The following LUZP1 variants were observed in gnomAD, a reference collection of about 807,000 sequenced individuals.
LUZP1 encodes leucine zipper protein 1.
Under a neutral mutation model 71.3 loss-of-function variants are expected in LUZP1, and 25 were observed. The observed-to-expected ratio is 0.35, with a 90% confidence interval of 0.26 to 0.49. LUZP1 has a LOEUF of 0.49. LUZP1 is among the 20% of genes least tolerant of loss of function. LUZP1 has a pLI of 0.99. For missense variants in LUZP1, 1,142 were observed against 1,300.8 expected, an observed-to-expected ratio of 0.88 and a Z score of 1.88; for synonymous variants, 481 against 506.4, an observed-to-expected ratio of 0.95 and a Z score of 0.67.
chr1:23,101,341 G>A (rs897278888), intron 3 of LUZP1, among the ~76,000 whole-genome samples: 3 of 152,240 alleles, frequency 2.0e-5, no homozygotes, highest in African/African-American at 7.2e-5. Flanking sequence ...ATTCTATTCA[G>A]CTTTCACAAT....
At chr1:23,146,428 T>G (rs1281113934) in intron 2 of LUZP1, among the ~76,000 whole-genome samples, 2 of 152,220 alleles carry the variant, frequency 1.3e-5, no homozygotes, top group Admixed American at 6.5e-5. Flanking sequence ...TTAATAGCCG[T>G]ATGGACAAGT....
intron 2 of LUZP1, among the ~76,000 whole-genome samples, chr1:23,110,110 CAG>C (rs1274120985): frequency 6.6e-6 from 1 of 152,190 alleles, no homozygotes; most frequent in Non-Finnish European, 1.5e-5. Flanking sequence ...TATTAAATGA[CAG>C]AGTTTAAACT....
exon 4 of LUZP1, chr1:23,092,469 T>C: frequency 6.2e-7 from 1 of 1,614,222 alleles, no homozygotes; most frequent in Non-Finnish European, 8.5e-7. Context: ...AACAGGAGCC[T>C]TGGAATTCGG....
At chr1:23,166,586 C>T (rs1010687939) in intron 2 of LUZP1, among the ~76,000 whole-genome samples, 1 of 134,050 alleles carries the variant, frequency 7.5e-6, no homozygotes, top group Admixed American at 9.1e-5. Context: ...ACATGAGAGG[C>T]GGAGGTTGCA....
At chr1:23,114,122 T>A (rs1290083816) in intron 2 of LUZP1, among the ~76,000 whole-genome samples, 2 of 152,200 alleles carry the variant, frequency 1.3e-5, no homozygotes, top group East Asian at 3.9e-4. Flanking sequence ...TCATTCTCAG[T>A]CTCTAGAAAA....
chr1:23,131,686 T>C (rs992986363), intron 2 of LUZP1, among the ~76,000 whole-genome samples: 14 of 152,084 alleles, frequency 9.2e-5, no homozygotes, highest in Non-Finnish European at 2.1e-4. Flanking sequence ...TTATTTATTT[T>C]ATTTTATTTT....
Position 23,093,953 on chromosome 1 carries a change from G to A in LUZP1, c.309C>T (p.Thr103=). The change falls in exon 4 of 5, where the codon ACC becomes ACT. Residue 103 remains threonine (T), a synonymous_variant. Coordinates refer to ENST00000302291, the Ensembl canonical transcript of LUZP1. This position sits in a 1 kb window ranked among gnomAD's most constrained non-coding sequence, Gnocchi z 4.2. ...GCTCAATCTCAGATTTCAGCTCCCG[G>A]GTGAGGTTTTCTTCCTCTTCAAGTT... The A allele has an allele frequency of 1.2e-6, 2 of 1,614,142 alleles. No individual in the cohort carries two copies. The highest frequency in any genetic ancestry group is 1.7e-6 in the Non-Finnish European group (2 of 1,180,018).
At chr1:23,123,492 CA>C (rs10716851) in intron 2 of LUZP1, among the ~76,000 whole-genome samples, 36,244 of 106,856 alleles carry the variant, frequency 0.34, 3,840 homozygotes, top group East Asian at 0.48. Context: ...ACTTTGTCTC[CA>C]AAAAAAAAAA....
chr1:23,151,584 T>C (rs935358587), intron 2 of LUZP1, among the ~76,000 whole-genome samples: 2 of 152,192 alleles, frequency 1.3e-5, no homozygotes, highest in Non-Finnish European at 2.9e-5. Flanking sequence ...CCCAGGGATA[T>C]TTCTTAAACC....
intron 2 of LUZP1, among the ~76,000 whole-genome samples, chr1:23,141,713 A>C (rs1290722805): frequency 6.6e-6 from 1 of 152,078 alleles, no homozygotes; most frequent in African/African-American, 2.4e-5. Context: ...ACAGGGTCCC[A>C]ATGTCCCCCA....
At chr1:23,146,365 T>C (rs1644342959) in intron 2 of LUZP1, among the ~76,000 whole-genome samples, 1 of 152,198 alleles carries the variant, frequency 6.6e-6, no homozygotes, top group South Asian at 2.1e-4. Flanking sequence ...AACAGATAAA[T>C]TTATGCGGAA....
chr1:23,116,581 T>C (rs548024233), intron 2 of LUZP1, among the ~76,000 whole-genome samples: 1 of 133,192 alleles, frequency 7.5e-6, no homozygotes, highest in Admixed American at 7.4e-5. Context: ...ACCACTGGAC[T>C]GTTAAAAAAA....
chr1:23,091,342 C>G, exon 4 of LUZP1: 1 of 1,614,088 alleles, frequency 6.2e-7, no homozygotes, highest in Non-Finnish European at 8.5e-7. Context: ...CTTCGAGTGC[C>G]CTGCTCAAAA....
intron 3 of LUZP1, among the ~76,000 whole-genome samples, chr1:23,107,398 T>C (rs1461902836): frequency 1.3e-5 from 2 of 152,232 alleles, no homozygotes. Context: ...CTTTTTCTAT[T>C]TTGTTTAATG....
chr1:23,115,323 A>G (rs1417394696), intron 2 of LUZP1, among the ~76,000 whole-genome samples: 3 of 152,188 alleles, frequency 2.0e-5, no homozygotes, highest in Non-Finnish European at 2.9e-5. Flanking sequence ...GTAACAGACA[A>G]ACAAAACTAG....
chr1:23,107,686 C>T (rs1250116278), intron 3 of LUZP1, among the ~76,000 whole-genome samples: 1 of 152,160 alleles, frequency 6.6e-6, no homozygotes, highest in Non-Finnish European at 1.5e-5. Flanking sequence ...CCTGTAATCC[C>T]AGCTACTCGG....
chr1:23,103,097 A>T, intron 3 of LUZP1, among the ~76,000 whole-genome samples: 1 of 118,580 alleles, frequency 8.4e-6, no homozygotes, highest in Non-Finnish European at 1.9e-5. Context: ...ATGCCTGGCT[A>T]ATTTTTCTCA....
At chr1:23,170,186 C>G (rs563598999) in intron 1 of LUZP1, among the ~76,000 whole-genome samples, 2 of 152,310 alleles carry the variant, frequency 1.3e-5, no homozygotes, top group Admixed American at 1.3e-4. Context: ...TTATAAAGAA[C>G]TGACCTCCCA....
chr1:23,147,180 C>T (rs1194664059), intron 2 of LUZP1, among the ~76,000 whole-genome samples: 2 of 151,208 alleles, frequency 1.3e-5, no homozygotes, highest in Non-Finnish European at 1.5e-5. Flanking sequence ...GTGGCTCATG[C>T]CTGTAATCCC....
Sources: allele counts gnomAD v4.1 joint callset (sites outside exome capture counted in the v4.1 genomes callset), GRCh38; gene constraint gnomAD v4.1.1; non-coding constraint Gnocchi (gnomAD v3.1); transcripts MANE v1.5; gene names NCBI Gene and HGNC (gene_info 2026-07-23, HGNC 2026-07-21).